MRPL42: variants seen among roughly 807,000 people sequenced by gnomAD.
The protein encoded by MRPL42 is large ribosomal subunit protein mL42.
In MRPL42, 17 loss-of-function variants were observed where a neutral mutation model predicts 17.9. That is an observed-to-expected ratio of 0.95 (90% CI 0.65 to 1.42). The LOEUF (loss-of-function observed/expected upper bound fraction) is 1.42. MRPL42 is among the 40% of genes most tolerant of loss of function. The pLI is 0.00. For missense variants in MRPL42, 177 were observed against 175.2 expected (o/e 1.01, Z -0.06); for synonymous variants, 59 against 54.4 (o/e 1.08, Z -0.37).
intron 5 of MRPL42, among the ~76,000 whole-genome samples, chr12:93,491,410 T>C (rs1953410725): frequency 6.6e-6 from 1 of 152,160 alleles, no homozygotes; most frequent in Non-Finnish European, 1.5e-5. Flanking sequence ...TTGTTTTCAG[T>C]TAAGTATCTG....
In MRPL42 at chr12:93,510,768, TTTC is replaced by T. The variant is rs1223339657; in HGVS notation, c.*9553_*9555del. ...TGGAACATCTATTTACTCATTATTTTTTCTTCTTATGATTGAAGTTATAATATT... is the reference window on the plus strand; with the variant it reads ...TGGAACATCTATTTACTCATTATTTTTTCTTATGATTGAAGTTATAATATT... On this transcript the variant is annotated 3_prime_UTR_variant, in exon 6 of 6. Transcript: ENST00000549982. 4.6e-5 allele frequency: 7 copies of T among 152,252 alleles called. No homozygotes were observed. Among genetic ancestry groups the T allele is most frequent in the African/African-American group, 9.6e-5 (4 of 41,474 alleles). 9.4% of individuals were successfully genotyped at this position (152,252 alleles called of 1,614,324 possible).
intron 2 of MRPL42, among the ~76,000 whole-genome samples, chr12:93,470,896 T>C (rs148212249): frequency 1.3e-5 from 2 of 152,360 alleles, no homozygotes; most frequent in East Asian, 3.9e-4. Context: ...CTATTGTGAA[T>C]AGTGCTCTGA....
At chr12:93,475,399 A>G (rs1190333378) in intron 2 of MRPL42, among the ~76,000 whole-genome samples, 1 of 151,986 alleles carries the variant, frequency 6.6e-6, no homozygotes, top group Admixed American at 6.6e-5. Flanking sequence ...TACAGGCATG[A>G]GCCACTGCGC....
intron 5 of MRPL42, chr12:93,488,582 T>A (rs1378507837): frequency 3.3e-6 from 1 of 299,394 alleles, no homozygotes; most frequent in African/African-American, 2.2e-5. Context: ...GATTGTGTCT[T>A]CAGCCCTTTA....
At position 93,501,370 on chromosome 12, in the gene MRPL42, T is replaced by C. The variant is rs142351034; in HGVS notation, c.*149T>C. 3.3e-4 allele frequency: 159 copies of C among 478,800 alleles called. No homozygotes were observed. The highest frequency in any genetic ancestry group is 4.3e-4 in the Non-Finnish European group (124 of 286,362). The allele number at this position is 478,800 out of a possible 1,614,324, so 29.7% of individuals were successfully genotyped here. A position where few individuals can be genotyped will look rare whatever the true frequency, so the allele number is the denominator to read the frequency against. ...AATGTGTACTTTTATATAAAGTAATTCTGGATTTGACATTCTCATTTAGAG... is the reference window on the plus strand; with the variant it reads ...AATGTGTACTTTTATATAAAGTAATCCTGGATTTGACATTCTCATTTAGAG... On this transcript the variant is annotated 3_prime_UTR_variant, in exon 6 of 6. Transcript: ENST00000549982.
At chr12:93,496,935 T>C (rs1211940989) in intron 5 of MRPL42, among the ~76,000 whole-genome samples, 1 of 151,992 alleles carries the variant, frequency 6.6e-6, no homozygotes, top group Non-Finnish European at 1.5e-5. Context: ...GAGACTATTA[T>C]TAGGAACACT....
At position 93,506,588 on chromosome 12, in the gene MRPL42, T is replaced by G. The variant is rs1953673273; in HGVS notation, c.*5367T>G. The G allele has an allele frequency of 6.6e-6, 1 of 152,118 alleles. No homozygotes were observed. The highest frequency in any genetic ancestry group is 2.4e-5 in the African/African-American group (1 of 41,394). The allele number at this position is 152,118 out of a possible 1,614,324, so 9.4% of individuals were successfully genotyped here. On this transcript the variant is annotated 3_prime_UTR_variant, in exon 6 of 6. Transcript: ENST00000549982. ...CCAAGAATGTCTTTTCTTTATAATG[T>G]TGTCTCTAAGCATGTAATCTTTTCG...
chr12:93,497,814 T>G (rs1343583444), intron 5 of MRPL42, among the ~76,000 whole-genome samples: 1 of 151,984 alleles, frequency 6.6e-6, no homozygotes, highest in African/African-American at 2.4e-5. Context: ...TTCTTGTAAT[T>G]TTTCTGTTGA....
intron 2 of MRPL42, among the ~76,000 whole-genome samples, chr12:93,475,664 T>C (rs1880130264): frequency 6.6e-6 from 1 of 152,030 alleles, no homozygotes; most frequent in Non-Finnish European, 1.5e-5. Context: ...TTTTTGAACA[T>C]AGGAGAATCT....
At chr12:93,473,839 A>G (rs1880026464) in intron 2 of MRPL42, among the ~76,000 whole-genome samples, 1 of 152,154 alleles carries the variant, frequency 6.6e-6, no homozygotes, top group Non-Finnish European at 1.5e-5. Context: ...AAGTTCTGGT[A>G]TTACAGGCGT....
intron 1 of MRPL42, among the ~76,000 whole-genome samples, chr12:93,468,374 T>C (rs566884083): frequency 4.7e-4 from 72 of 152,308 alleles, no homozygotes; most frequent in African/African-American, 1.7e-3. Flanking sequence ...TTATTTGTCA[T>C]TTATTCACAA....
chr12:93,497,081 AAAC>A (rs1953520178), intron 5 of MRPL42, among the ~76,000 whole-genome samples: 2 of 152,312 alleles, frequency 1.3e-5, no homozygotes, highest in South Asian at 2.1e-4. Context: ...AGTAATAAAA[AAAC>A]AACAACCAAA....
chr12:93,501,046 G>A, intron 5 of MRPL42, 130 bp from the exon 6 acceptor site: 1 of 649,944 alleles, frequency 1.5e-6, no homozygotes, highest in Non-Finnish European at 2.5e-6. Flanking sequence ...ACTAAGAAAT[G>A]GCTGATACGT....
At chr12:93,471,904 A>C (rs1879927881) in intron 2 of MRPL42, among the ~76,000 whole-genome samples, 1 of 152,224 alleles carries the variant, frequency 6.6e-6, no homozygotes, top group Admixed American at 6.5e-5. Context: ...CCCAGCTCCT[A>C]GGCTAATGAG....
chr12:93,485,982 TGTTTTTAAATTTTTTGTAGAGATGAG>T (rs112653536), intron 4 of MRPL42, among the ~76,000 whole-genome samples: 2,355 of 152,162 alleles, frequency 0.015, 64 homozygotes, highest in African/African-American at 0.053. Context: ...ATTTATTTTT[TGTTTTTAAATTTTTTGTAGAGATGAG>T]GTTTTTAAAT....
intron 2 of MRPL42, among the ~76,000 whole-genome samples, chr12:93,474,363 C>T (rs957273666): frequency 1.3e-5 from 2 of 151,946 alleles, no homozygotes; most frequent in African/African-American, 4.8e-5. Context: ...TGGTCTTGAA[C>T]TGCTGGATCA....
At chr12:93,500,999 GAAAAC>G (rs1953583015) in intron 5 of MRPL42, 172 bp from the exon 6 acceptor site, 1 of 531,984 alleles carries the variant, frequency 1.9e-6, no homozygotes, top group Non-Finnish European at 3.3e-6. Context: ...GTAAAGAAAA[GAAAAC>G]AAATTTTCAC....
intron 5 of MRPL42, chr12:93,488,292 C>T: frequency 2.5e-6 from 1 of 398,352 alleles, no homozygotes; most frequent in Non-Finnish European, 4.4e-6. Flanking sequence ...TTTGTAGAGG[C>T]AAGGTCTCAC....
rs1054881850 is a variant in MRPL42, at chr12:93,501,275, A to G, written c.*54A>G. 3.5e-6 allele frequency: 5 copies of G among 1,413,290 alleles called. No individual in the cohort carries two copies. The highest frequency in any genetic ancestry group is 4.9e-6 in the Non-Finnish European group (5 of 1,021,502). The allele number at this position is 1,413,290 out of a possible 1,614,324, so 87.5% of individuals were successfully genotyped here. A position where few individuals can be genotyped will look rare whatever the true frequency, so the allele number is the denominator to read the frequency against. ...AAATGTGCCTCATTTGCCATTTGAGAAAATGCAGTCTGGTGTATTCAGTAA... is the reference window on the plus strand; with the variant it reads ...AAATGTGCCTCATTTGCCATTTGAGGAAATGCAGTCTGGTGTATTCAGTAA... On this transcript the variant is annotated 3_prime_UTR_variant, in exon 6 of 6. Coordinates refer to ENST00000549982, the MANE Select transcript of MRPL42 (RefSeq NM_014050.4).
Sources: allele counts gnomAD v4.1 joint callset (sites outside exome capture counted in the v4.1 genomes callset), GRCh38; gene constraint gnomAD v4.1.1; transcripts MANE v1.5; gene names NCBI Gene and HGNC (gene_info 2026-07-23, HGNC 2026-07-21).